The following CCSER1 variants were observed in gnomAD, a reference collection of about 807,000 sequenced individuals.
CCSER1 encodes the protein coiled-coil serine rich protein 1, also known as serine-rich coiled-coil domain-containing protein 1.
Under a neutral mutation model 82.0 loss-of-function variants are expected in CCSER1, and 41 were observed. That is an observed-to-expected ratio of 0.50 (90% CI 0.39 to 0.65). The LOEUF (loss-of-function observed/expected upper bound fraction) is 0.65, where lower values mean the gene tolerates loss of function less well. Ranked by LOEUF, CCSER1 falls within the 30% of genes least tolerant of loss-of-function variation. CCSER1 has a pLI of 0.00. For missense variants in CCSER1, 1,119 were observed against 1,064.2 expected (o/e 1.05, Z -0.72); for synonymous variants, 414 against 383.9 (o/e 1.08, Z -0.92).
chr4:90,751,535 A>AT (rs1251170356), intron 7 of CCSER1, among the ~76,000 whole-genome samples: 23 of 152,240 alleles, frequency 1.5e-4, no homozygotes, highest in Middle Eastern at 6.8e-3. Context: ...ATAAATAGTG[A>AT]TTTAAGAAAC....
rs116595306 is a variant in CCSER1, at chr4:91,369,320, G to A, written c.2218-229252G>A. On this transcript the variant is annotated intron_variant, in intron 10 of 10. Transcript: ENST00000509176. ...AACAGAGATCCAGCAGATGACTTCCGTTTCTAACACATAATATCAGATAAA... is the reference window on the plus strand; with the variant it reads ...AACAGAGATCCAGCAGATGACTTCCATTTCTAACACATAATATCAGATAAA... Among the ~76,000 whole-genome samples the A allele has an allele frequency of 6.2e-3, 949 of 152,244 alleles. 14 individuals carry two copies. Among genetic ancestry groups the A allele is most frequent in the African/African-American group, 0.021 (883 of 41,542 alleles).
intron 9 of CCSER1, among the ~76,000 whole-genome samples, chr4:91,048,002 A>G (rs1742663332): frequency 6.6e-6 from 1 of 152,056 alleles, no homozygotes; most frequent in African/African-American, 2.4e-5. Context: ...ATTGTCGTAT[A>G]AACTCCTATC....
intron 5 of CCSER1, among the ~76,000 whole-genome samples, chr4:90,606,723 C>T (rs1296421639): frequency 6.6e-6 from 1 of 152,084 alleles, no homozygotes; most frequent in Non-Finnish European, 1.5e-5. Context: ...TGACAACTTC[C>T]TAAATTATTA....
intron 10 of CCSER1, among the ~76,000 whole-genome samples, chr4:91,310,690 C>T (rs1388854785): frequency 6.6e-6 from 1 of 151,832 alleles, no homozygotes; most frequent in Non-Finnish European, 1.5e-5. Flanking sequence ...CTTAATGGAG[C>T]CATGAACCCT....
At chr4:90,238,603 G>A (rs1746244495) in intron 1 of CCSER1, among the ~76,000 whole-genome samples, 1 of 152,074 alleles carries the variant, frequency 6.6e-6, no homozygotes, top group Admixed American at 6.6e-5. Context: ...TGTCCTGGTT[G>A]AATGTGACTT....
intron 10 of CCSER1, among the ~76,000 whole-genome samples, chr4:91,432,963 C>T (rs1413865049): frequency 1.3e-5 from 2 of 152,018 alleles, no homozygotes; most frequent in Admixed American, 1.3e-4. Context: ...GGTACTATAT[C>T]AGTTGCTATT....
intron 1 of CCSER1, among the ~76,000 whole-genome samples, chr4:90,180,306 T>C (rs1733494829): frequency 6.6e-6 from 1 of 151,988 alleles, no homozygotes; most frequent in Non-Finnish European, 1.5e-5. Flanking sequence ...AGATAATTGA[T>C]GGCCAGATGC....
At chr4:90,872,042 A>G (rs1170239810) in intron 8 of CCSER1, among the ~76,000 whole-genome samples, 3 of 149,204 alleles carry the variant, frequency 2.0e-5, no homozygotes, top group Non-Finnish European at 4.5e-5. Context: ...CTTTATTTTC[A>G]GTGTATGTGT....
At chr4:90,942,189 A>T (rs541059502) in intron 9 of CCSER1, among the ~76,000 whole-genome samples, 1 of 152,086 alleles carries the variant, frequency 6.6e-6, no homozygotes, top group Admixed American at 6.6e-5. Flanking sequence ...AGCTCAAGCG[A>T]TCCACCCACC....
At chr4:91,260,710 G>A (rs1196039711) in intron 10 of CCSER1, among the ~76,000 whole-genome samples, 1 of 151,830 alleles carries the variant, frequency 6.6e-6, no homozygotes, top group African/African-American at 2.4e-5. Flanking sequence ...GTCAAATTTT[G>A]CTAAATGTTA....
chr4:90,534,905 C>A (rs1257739624), intron 5 of CCSER1, among the ~76,000 whole-genome samples: 1 of 152,130 alleles, frequency 6.6e-6, no homozygotes, highest in Non-Finnish European at 1.5e-5. Flanking sequence ...GGTCAATGGA[C>A]CAGCAGCATC....
At chr4:90,791,610 G>A (rs1365749879) in intron 7 of CCSER1, among the ~76,000 whole-genome samples, 2 of 151,718 alleles carry the variant, frequency 1.3e-5, no homozygotes, top group Non-Finnish European at 2.9e-5. Flanking sequence ...CAGCACTTTG[G>A]GAGGCCAAGG....
At chr4:91,268,928 A>T (rs999468027) in intron 10 of CCSER1, among the ~76,000 whole-genome samples, 3 of 152,212 alleles carry the variant, frequency 2.0e-5, no homozygotes, top group Non-Finnish European at 4.4e-5. Flanking sequence ...CTGGACGTAT[A>T]CGTGCAGGCT....
intron 3 of CCSER1, among the ~76,000 whole-genome samples, chr4:90,336,364 G>A (rs115872191): frequency 1.6e-3 from 246 of 152,282 alleles, no homozygotes; most frequent in African/African-American, 5.3e-3. Flanking sequence ...TCCAAACATA[G>A]GACTCTACAT....
intron 1 of CCSER1, among the ~76,000 whole-genome samples, chr4:90,233,543 C>A (rs1246931434): frequency 6.6e-6 from 1 of 151,768 alleles, no homozygotes; most frequent in Non-Finnish European, 1.5e-5. Flanking sequence ...TTAGTGGGTG[C>A]AGCACACCAG....
At chr4:90,631,128 C>T (rs112657319) in intron 6 of CCSER1, among the ~76,000 whole-genome samples, 4,187 of 152,010 alleles carry the variant, frequency 0.028, 183 homozygotes, top group African/African-American at 0.097. Context: ...CTCATGACCT[C>T]GTGATCCGCC....
chr4:90,673,009 T>G (rs1382204482), intron 6 of CCSER1, among the ~76,000 whole-genome samples: 1 of 151,884 alleles, frequency 6.6e-6, no homozygotes, highest in African/African-American at 2.4e-5. Context: ...GTAACAGATA[T>G]AATAATAATT....
rs1297415072 is a variant in CCSER1, at chr4:91,240,355, G to A, written c.2217+154361G>A. 4.9e-3 allele frequency among the ~76,000 whole-genome samples: 247 copies of A among 50,794 alleles called. 1 individual carries two copies. Among genetic ancestry groups the A allele is most frequent in the Middle Eastern group, 0.019 (2 of 108 alleles). The allele number at this position is 50,794 out of a possible 152,430, so 33.3% of individuals were successfully genotyped here. On this transcript the variant is annotated intron_variant, in intron 10 of 10. Transcript: ENST00000509176. ...GCCTCCCAAAGTGCTGGTATTACAA[G>A]CGTGAGCCACTGCGCCCGGCCTATT... is the stretch of plus-strand genomic sequence containing the variant.
intron 5 of CCSER1, among the ~76,000 whole-genome samples, chr4:90,500,356 C>T (rs915904400): frequency 6.6e-6 from 1 of 150,444 alleles, no homozygotes; most frequent in African/African-American, 2.4e-5. Context: ...TTTTTTTAGA[C>T]AGTTTTGCCC....
Sources: gnomAD v4.1 joint callset for allele counts (sites outside exome capture counted in the v4.1 genomes callset) on GRCh38, gnomAD v4.1.1 for gene constraint, MANE v1.5 for transcripts, NCBI Gene and HGNC (gene_info 2026-07-23, HGNC 2026-07-21) for gene names.